Variants in STIM1 observed in about 807,000 individuals in gnomAD.
STIM1 encodes stromal interaction molecule 1.
A neutral mutation model predicts 74.7 loss-of-function variants in STIM1; 25 were observed. The ratio of observed to expected loss-of-function variants is 0.33; its 90% CI spans 0.24 to 0.47. STIM1 has a LOEUF of 0.47. Ranked by LOEUF, STIM1 falls within the 20% of genes least tolerant of loss-of-function variation. The pLI, the probability that STIM1 is intolerant of heterozygous loss-of-function variation, is 1.00. For missense variants in STIM1, 728 were observed against 920.8 expected, an observed-to-expected ratio of 0.79 and a Z score of 2.71; for synonymous variants, 328 against 348.8, an observed-to-expected ratio of 0.94 and a Z score of 0.66.
intron 2 of STIM1, among the ~76,000 whole-genome samples, chr11:4,003,625 CAAT>C (rs1465706361): frequency 2.0e-5 from 3 of 152,118 alleles, no homozygotes; most frequent in Non-Finnish European, 4.4e-5. Flanking sequence ...GACCCACAGC[CAAT>C]ATCATACTGA....
At chr11:3,911,127 G>T (rs1316935124) in intron 1 of STIM1, among the ~76,000 whole-genome samples, 1 of 152,196 alleles carries the variant, frequency 6.6e-6, no homozygotes, top group Non-Finnish European at 1.5e-5. Flanking sequence ...GATAAGGATA[G>T]GACTAGGCAT....
At chr11:4,024,021 G>T in intron 3 of STIM1, 34 bp downstream of exon 3, 1 of 1,585,936 alleles carries the variant, frequency 6.3e-7, no homozygotes, top group East Asian at 2.2e-5. Context: ...TCCTAGTTGT[G>T]GGAAGGTTTA....
intron 2 of STIM1, among the ~76,000 whole-genome samples, chr11:4,022,467 C>G (rs1295992381): frequency 6.6e-6 from 1 of 151,618 alleles, no homozygotes; most frequent in Non-Finnish European, 1.5e-5. Context: ...TCCTTTCTTT[C>G]CTCTTGCCTA....
At chr11:3,878,276 G>A (rs2091372479) in intron 1 of STIM1, among the ~76,000 whole-genome samples, 1 of 152,156 alleles carries the variant, frequency 6.6e-6, no homozygotes, top group Non-Finnish European at 1.5e-5. Flanking sequence ...TAGGCTAGGT[G>A]CTTTACACCA....
At chr11:4,085,991 T>G (rs935864389) in intron 11 of STIM1, among the ~76,000 whole-genome samples, 4 of 152,230 alleles carry the variant, frequency 2.6e-5, no homozygotes, top group Non-Finnish European at 5.9e-5. Flanking sequence ...TGTTCATTAT[T>G]TATGTTTACT....
intron 2 of STIM1, among the ~76,000 whole-genome samples, chr11:4,000,330 A>AC (rs1277101235): frequency 5.3e-5 from 8 of 150,474 alleles, no homozygotes; most frequent in Middle Eastern, 3.4e-3. Context: ...ACTGGGAGGC[A>AC]CCCCCCAGTA....
chr11:3,963,170 A>G (rs1288115962), intron 1 of STIM1, among the ~76,000 whole-genome samples: 2 of 152,174 alleles, frequency 1.3e-5, no homozygotes, highest in East Asian at 1.9e-4. Context: ...TGTTGCACAG[A>G]TTATTTCATC....
At chr11:3,989,261 T>C (rs541188831) in intron 2 of STIM1, 3 of 882,180 alleles carry the variant, frequency 3.4e-6, no homozygotes, top group Non-Finnish European at 5.9e-6. Context: ...GTTTCTTGGT[T>C]AGCCACTTCG....
At chr11:4,041,030 A>C (rs1248480116) in intron 3 of STIM1, among the ~76,000 whole-genome samples, 2 of 152,230 alleles carry the variant, frequency 1.3e-5, no homozygotes, top group African/African-American at 4.8e-5. Flanking sequence ...GAAGCTACTT[A>C]AAGAGACAAT....
At position 3,956,823 on chromosome 11, in the gene STIM1, CAAAAAAAAAAAAA is replaced by C. The variant is rs78285130; in HGVS notation, c.140-10713_140-10701del. On this transcript the variant is annotated intron_variant, in intron 1 of 12. Transcript: ENST00000526596. ...GGGTGACAGAGCAAGACCCTGTCTC[CAAAAAAAAAAAAA>C]AAAAAAAAAAAAAAAGTCAGAGAGG... Among the ~76,000 whole-genome samples, 11 of 38,198 alleles carry C rather than the reference CAAAAAAAAAAAAA, an allele frequency of 2.9e-4. No homozygotes were observed. The East Asian group carries it at 4.1e-3, about 14-fold the overall frequency. 25.1% of individuals were successfully genotyped at this position (38,198 alleles called of 152,430 possible).
rs1393309023 is a variant in STIM1, at chr11:3,951,269, C to A, written c.140-16283C>A. On this transcript the variant is annotated intron_variant, in intron 1 of 12. Transcript: ENST00000526596. ...GCAGGAAGAGAGTCAGAACCTGGTTCCTAGAATGATCATCTTGACTGCAAC... is the reference window on the plus strand; with the variant it reads ...GCAGGAAGAGAGTCAGAACCTGGTTACTAGAATGATCATCTTGACTGCAAC... Among the ~76,000 whole-genome samples, 5 of 152,178 alleles carry A rather than the reference C, an allele frequency of 3.3e-5. No homozygotes were observed. In the East Asian group the frequency reaches 9.6e-4, roughly 29 times the overall value.
intron 8 of STIM1, 134 bp downstream of exon 8, chr11:4,082,485 CT>C: frequency 1.0e-6 from 1 of 994,256 alleles, no homozygotes; most frequent in Non-Finnish European, 1.5e-6. Context: ...GGTTCTGTTT[CT>C]TTCCTAATGT....
chr11:4,083,220 C>T (rs754574420), intron 9 of STIM1, 43 bp from the exon 10 acceptor site: 1 of 1,593,042 alleles, frequency 6.3e-7, no homozygotes, highest in Non-Finnish European at 8.6e-7. Flanking sequence ...TATTGGGGCT[C>T]ACACCAAGTC....
chr11:3,922,860 G>A (rs2092735341), intron 1 of STIM1, among the ~76,000 whole-genome samples: 1 of 152,256 alleles, frequency 6.6e-6, no homozygotes. Context: ...CACTTTGGGA[G>A]GCTGAGGCGG....
chr11:3,933,195 C>T (rs537344158), intron 1 of STIM1, among the ~76,000 whole-genome samples: 9 of 152,232 alleles, frequency 5.9e-5, no homozygotes, highest in Middle Eastern at 3.4e-3. Flanking sequence ...TTGCCTAAGT[C>T]CTAGGTGTGT....
At chr11:3,997,254 C>T (rs2093671257) in intron 2 of STIM1, among the ~76,000 whole-genome samples, 1 of 152,126 alleles carries the variant, frequency 6.6e-6, no homozygotes, top group Admixed American at 6.5e-5. Context: ...TATGTATGTG[C>T]TAGGTGCTGG....
At chr11:4,004,242 G>A (rs1192847290) in intron 2 of STIM1, among the ~76,000 whole-genome samples, 4 of 149,408 alleles carry the variant, frequency 2.7e-5, no homozygotes, top group African/African-American at 7.3e-5. Flanking sequence ...AAAAACTAAA[G>A]TTCATATGGA....
At chr11:3,986,425 G>A (rs1329725954) in intron 2 of STIM1, among the ~76,000 whole-genome samples, 1 of 152,126 alleles carries the variant, frequency 6.6e-6, no homozygotes, top group Non-Finnish European at 1.5e-5. Flanking sequence ...GTAATAGTGG[G>A]GCAGGGAGGG....
At chr11:3,974,938 C>T (rs2093431863) in intron 2 of STIM1, among the ~76,000 whole-genome samples, 1 of 152,142 alleles carries the variant, frequency 6.6e-6, no homozygotes, top group African/African-American at 2.4e-5. Flanking sequence ...TTTTTGAGAG[C>T]AGTGCTATTT....
Sources: gnomAD v4.1 joint callset for allele counts (sites outside exome capture counted in the v4.1 genomes callset) on GRCh38, gnomAD v4.1.1 for gene constraint, MANE v1.5 for transcripts, NCBI Gene and HGNC (gene_info 2026-07-23, HGNC 2026-07-21) for gene names.